PLOD2: variants seen among roughly 807,000 people sequenced by gnomAD.
PLOD2 encodes the protein procollagen-lysine,2-oxoglutarate 5-dioxygenase 2.
In PLOD2, 65 loss-of-function variants were observed where a neutral mutation model predicts 101.0. The ratio of observed to expected loss-of-function variants is 0.64; its 90% CI spans 0.53 to 0.79. The LOEUF (loss-of-function observed/expected upper bound fraction) is 0.79. Among genes scored for constraint, PLOD2 ranks in the 30% least tolerant of loss-of-function variants. The probability of loss-of-function intolerance (pLI) is 0.00; values close to 1 mark genes in which losing one functional copy is unlikely to be tolerated. For missense variants in PLOD2, 909 were observed against 914.6 expected (o/e 0.99, Z 0.08); for synonymous variants, 314 against 302.9 (o/e 1.04, Z -0.38).
In PLOD2 at chr3:146,071,135, G is replaced by A; in HGVS notation, c.2028C>T (p.Tyr676=). The A allele has an allele frequency of 1.2e-6, 2 of 1,610,996 alleles. No homozygotes were observed. The highest frequency in any genetic ancestry group is 1.3e-5 in the African/African-American group (1 of 74,850). The change falls in exon 19 of 20, where the codon TAC becomes TAT. Residue 676 remains tyrosine (Y), a synonymous_variant. Transcript: ENST00000282903. ...GAAGAGAACGCTGTCGTTCAGGGGA[G>A]TATTTTACTACAAAATTCAGTAGTG... The part of the protein sequence containing the change: ...GFALLNFVVK[Y]SPERQRSLRP...
At chr3:146,090,535 C>CA (rs1187931255) in intron 8 of PLOD2, among the ~76,000 whole-genome samples, 1 of 151,392 alleles carries the variant, frequency 6.6e-6, no homozygotes, top group Non-Finnish European at 1.5e-5. Context: ...CTACTTTCGG[C>CA]AAAAAAAGAT....
At chr3:146,082,639 T>A (rs576283072) in intron 11 of PLOD2, among the ~76,000 whole-genome samples, 1 of 152,128 alleles carries the variant, frequency 6.6e-6, no homozygotes, top group Non-Finnish European at 1.5e-5. Context: ...ATGCCTGTAA[T>A]CCCAGCACTT....
At chr3:146,160,004 G>C (rs561337768) in intron 1 of PLOD2, among the ~76,000 whole-genome samples, 3 of 151,946 alleles carry the variant, frequency 2.0e-5, no homozygotes, top group African/African-American at 7.3e-5. Context: ...ATAAACTTGG[G>C]GGAAAAAATG....
At chr3:146,090,715 A>G (rs7619272) in intron 8 of PLOD2, among the ~76,000 whole-genome samples, 37 of 151,682 alleles carry the variant, frequency 2.4e-4, no homozygotes, top group Non-Finnish European at 4.7e-4. Context: ...TACTCTTTAT[A>G]CTCCTTTCAG....
At chr3:146,114,683 G>A (rs754133626) in intron 3 of PLOD2, among the ~76,000 whole-genome samples, 4 of 152,270 alleles carry the variant, frequency 2.6e-5, no homozygotes, top group South Asian at 2.1e-4. Context: ...AATTTGGTAC[G>A]AAGAGTGGGG....
intron 1 of PLOD2, among the ~76,000 whole-genome samples, chr3:146,155,658 T>C (rs2032270706): frequency 7.0e-6 from 1 of 141,964 alleles, no homozygotes; most frequent in South Asian, 2.2e-4. Context: ...GAGGTTGCAG[T>C]GAGCCGAGAT....
At chr3:146,090,413 T>G (rs149903908) in intron 8 of PLOD2, among the ~76,000 whole-genome samples, 7 of 151,626 alleles carry the variant, frequency 4.6e-5, no homozygotes, top group Non-Finnish European at 7.4e-5. Context: ...TACTCCTACA[T>G]GCAAAAAGAA....
At chr3:146,108,524 C>T (rs1436642412) in intron 4 of PLOD2, among the ~76,000 whole-genome samples, 1 of 152,132 alleles carries the variant, frequency 6.6e-6, no homozygotes, top group African/African-American at 2.4e-5. Flanking sequence ...CCACAAACAA[C>T]TCATGTCCCT....
At chr3:146,107,917 T>C (rs1937564966) in intron 4 of PLOD2, among the ~76,000 whole-genome samples, 1 of 152,050 alleles carries the variant, frequency 6.6e-6, no homozygotes. Flanking sequence ...GTGCTGAGAT[T>C]AGAGGCGTGA....
chr3:146,085,761 C>T (rs777758280), intron 10 of PLOD2: 2 of 160,676 alleles, frequency 1.2e-5, no homozygotes, highest in Non-Finnish European at 2.7e-5. Context: ...TGTTTGCTTT[C>T]CCTGGTACAG....
intron 12 of PLOD2, among the ~76,000 whole-genome samples, chr3:146,080,278 C>T (rs1383489053): frequency 6.6e-6 from 1 of 151,528 alleles, no homozygotes; most frequent in Admixed American, 6.6e-5. Context: ...TTAATTTATA[C>T]ATAAAGTACA....
At chr3:146,076,002 T>G (rs947100686) in intron 15 of PLOD2, 1 of 151,686 alleles carries the variant, frequency 6.6e-6, no homozygotes, top group African/African-American at 2.4e-5. Context: ...AAGTGTATAA[T>G]GCATGATGCT....
chr3:146,092,662 TA>T (rs998215886), intron 7 of PLOD2, among the ~76,000 whole-genome samples: 33 of 150,014 alleles, frequency 2.2e-4, no homozygotes, highest in Admixed American at 1.5e-3. Flanking sequence ...ATTTTAACTG[TA>T]AAAAAAAAAT....
Position 146,148,338 on chromosome 3 carries a change from G to GCACACACACACACA in PLOD2, c.109+12529_109+12542dup, listed in dbSNP as rs71158220. On this transcript the variant is annotated intron_variant, in intron 1 of 19. Transcript: ENST00000282903. ...TACAGGCAGGCAGGCAGGCAGGCAC[G>GCACACACACACACA]CACACACACACACACACACACACAC... Among the ~76,000 whole-genome samples, 532 of 146,530 alleles carry GCACACACACACACA rather than the reference G, an allele frequency of 3.6e-3. 2 individuals are homozygous for GCACACACACACACA. Among genetic ancestry groups the GCACACACACACACA allele is most frequent in the African/African-American group, 8.6e-3 (338 of 39,324 alleles).
intron 1 of PLOD2, among the ~76,000 whole-genome samples, chr3:146,148,334 G>GCA (rs1553742411): frequency 3.9e-5 from 1 of 25,504 alleles, no homozygotes; most frequent in Non-Finnish European, 9.4e-5. Flanking sequence ...AGGCAGGCAG[G>GCA]CACGCACACA....
intron 1 of PLOD2, among the ~76,000 whole-genome samples, chr3:146,149,457 C>A (rs58360710): frequency 0.01 from 1,567 of 152,112 alleles, 33 homozygotes; most frequent in African/African-American, 0.036. Flanking sequence ...AAAAAAAAAT[C>A]TCACTTATCC....
rs771162482 is a variant in PLOD2, at chr3:146,077,867, G to T, written c.1558C>A (p.Pro520Thr). 4.8e-5 allele frequency: 76 copies of T among 1,576,102 alleles called. No homozygotes were observed. Among genetic ancestry groups the T allele is most frequent in the Non-Finnish European group, 6.4e-5 (73 of 1,148,314 alleles). ...AAAATAAGTAAAAATAACACCTTTG[G>T]GGGGCTGAGCATTTGGAATGTTTCC... ...TPETFQMLSP[P>T]KGVFMYISNR... The change falls in exon 14 of 20, where the codon CCA (proline) becomes ACA (threonine). Residue 520 changes from proline (P) to threonine (T), a missense_variant. Transcript: ENST00000282903.
intron 1 of PLOD2, among the ~76,000 whole-genome samples, chr3:146,131,276 C>T (rs180761920): frequency 3.3e-5 from 5 of 152,276 alleles, no homozygotes; most frequent in African/African-American, 7.2e-5. Context: ...TGCTTTGTAT[C>T]CTTTCACAAT....
Position 146,161,081 on chromosome 3 carries a change from A to G in PLOD2, c.-92T>C, listed in dbSNP as rs2108158153. The G allele has an allele frequency of 1.3e-6, 1 of 793,994 alleles. No homozygotes were observed. The highest frequency in any genetic ancestry group is 1.8e-6 in the Non-Finnish European group (1 of 545,592). 49.2% of individuals were successfully genotyped at this position (793,994 alleles called of 1,614,324 possible). A position where few individuals can be genotyped will look rare whatever the true frequency, so the allele number is the denominator to read the frequency against. On this transcript the variant is annotated 5_prime_UTR_variant, in exon 1 of 20. Coordinates refer to ENST00000282903, the MANE Select transcript of PLOD2 (RefSeq NM_182943.3). ...AACGCAGAGACCCGGGTCCGCCCTG[A>G]GCCGCCGATTGCGGGCGGGAGCCGG...
Sources: gnomAD v4.1 joint callset for allele counts (sites outside exome capture counted in the v4.1 genomes callset) on GRCh38, gnomAD v4.1.1 for gene constraint, MANE v1.5 for transcripts, NCBI Gene and HGNC (gene_info 2026-07-23, HGNC 2026-07-21) for gene names.